Variants in GLRA3 observed in about 807,000 individuals in gnomAD.
GLRA3 encodes the protein glycine receptor subunit alpha-3.
Under a neutral mutation model 60.4 loss-of-function variants are expected in GLRA3, and 44 were observed. That is an observed-to-expected ratio of 0.73 (90% CI 0.57 to 0.94). The LOEUF is 0.94. Ranked by LOEUF, GLRA3 falls within the 40% of genes least tolerant of loss-of-function variation. The pLI, the probability that GLRA3 is intolerant of heterozygous loss-of-function variation, is 0.00. For synonymous variants in GLRA3, 223 were observed against 192.9 expected, an observed-to-expected ratio of 1.16 and a Z score of -1.29; for missense variants, 508 against 564.6, an observed-to-expected ratio of 0.90 and a Z score of 1.02.
chr4:174,771,700 A>AT (rs773931112), intron 2 of GLRA3, among the ~76,000 whole-genome samples: 2 of 152,178 alleles, frequency 1.3e-5, no homozygotes, highest in Non-Finnish European at 2.9e-5. Context: ...TGAAACGGAA[A>AT]TAAATAAAAG....
At chr4:174,660,809 G>A (rs991709692) in intron 7 of GLRA3, among the ~76,000 whole-genome samples, 137 of 152,220 alleles carry the variant, frequency 9.0e-4, no homozygotes, top group African/African-American at 3.3e-3. Context: ...TTATTTATAT[G>A]TGTATAAACT....
At chr4:174,648,593 A>G (rs1209381043) in intron 9 of GLRA3, among the ~76,000 whole-genome samples, 2 of 152,192 alleles carry the variant, frequency 1.3e-5, no homozygotes, top group Non-Finnish European at 2.9e-5. Context: ...GGGTGGCCAT[A>G]TGACAATGAG....
chr4:174,745,167 A>T (rs543306835), intron 3 of GLRA3, among the ~76,000 whole-genome samples: 1 of 152,204 alleles, frequency 6.6e-6, no homozygotes, highest in East Asian at 1.9e-4. Flanking sequence ...GCAACCAAAC[A>T]TACAAATTAT....
In GLRA3 at chr4:174,708,678, A is replaced by G. The variant is rs1386303262; in HGVS notation, c.574+6810T>C. ...GCAATACATTCCTCTTTAGATATGA[A>G]CTACAGAATTAGACCCTTTATGGAA... is the stretch of plus-strand genomic sequence containing the variant. On this transcript the variant is annotated intron_variant, in intron 5 of 9. Coordinates refer to ENST00000274093, the MANE Select transcript of GLRA3 (RefSeq NM_006529.4). Among the ~76,000 whole-genome samples the G allele has an allele frequency of 1.2e-4, 18 of 150,696 alleles. No individual in the cohort carries two copies. In the South Asian group the frequency reaches 3.1e-3, roughly 26 times the overall value.
chr4:174,674,299 C>A (rs1734027167), intron 7 of GLRA3, among the ~76,000 whole-genome samples: 1 of 152,082 alleles, frequency 6.6e-6, no homozygotes, highest in South Asian at 2.1e-4. Flanking sequence ...TAAGAAAGTG[C>A]TCCTAAAGTT....
At chr4:174,811,098 A>AACAC (rs367625302) in intron 1 of GLRA3, among the ~76,000 whole-genome samples, 10 of 149,266 alleles carry the variant, frequency 6.7e-5, no homozygotes, top group East Asian at 2.0e-4. Flanking sequence ...CCACACACAT[A>AACAC]ACACACACAC....
intron 5 of GLRA3, among the ~76,000 whole-genome samples, chr4:174,695,586 C>A (rs907079636): frequency 3.3e-5 from 5 of 151,974 alleles, no homozygotes; most frequent in Non-Finnish European, 5.9e-5. Context: ...AAGGAAAATA[C>A]CTCAAAGTAA....
chr4:174,800,082 A>G (rs966684288), intron 1 of GLRA3, among the ~76,000 whole-genome samples: 1 of 152,086 alleles, frequency 6.6e-6, no homozygotes, highest in Non-Finnish European at 1.5e-5. Flanking sequence ...TAAGAACTCA[A>G]TTATCTTAAC....
chr4:174,668,412 T>C (rs1291621595), intron 7 of GLRA3, among the ~76,000 whole-genome samples: 47 of 152,112 alleles, frequency 3.1e-4, no homozygotes, highest in Admixed American at 3.1e-3. Context: ...GTACATTGAG[T>C]GAGCTGTATT....
chr4:174,740,505 A>T (rs1736976726), intron 3 of GLRA3, among the ~76,000 whole-genome samples: 2 of 152,200 alleles, frequency 1.3e-5, no homozygotes, highest in African/African-American at 2.4e-5. Context: ...TTTTATATCA[A>T]TGACAAGAGG....
At chr4:174,803,209 T>G (rs1185123527) in intron 1 of GLRA3, among the ~76,000 whole-genome samples, 1 of 152,100 alleles carries the variant, frequency 6.6e-6, no homozygotes, top group Non-Finnish European at 1.5e-5. Context: ...TTCATGGTAA[T>G]TGTTATAACT....
At chr4:174,790,148 T>TG (rs1178260689) in intron 1 of GLRA3, among the ~76,000 whole-genome samples, 1 of 152,204 alleles carries the variant, frequency 6.6e-6, no homozygotes, top group Non-Finnish European at 1.5e-5. Flanking sequence ...TATTAGCTGT[T>TG]GCCCTGTTCT....
chr4:174,800,000 G>A (rs1363507664), intron 1 of GLRA3, among the ~76,000 whole-genome samples: 1 of 151,990 alleles, frequency 6.6e-6, no homozygotes, highest in Non-Finnish European at 1.5e-5. Flanking sequence ...AAAAAACTGA[G>A]AATTTCAACA....
At chr4:174,659,403 T>C (rs2110889788) in intron 7 of GLRA3, among the ~76,000 whole-genome samples, 1 of 152,294 alleles carries the variant, frequency 6.6e-6, no homozygotes, top group Admixed American at 6.5e-5. Flanking sequence ...TTTTTCAAAT[T>C]TAGGCAATAG....
In GLRA3 at chr4:174,828,965, T is replaced by C. The variant is rs1028623749; in HGVS notation, c.-154A>G. Reference sequence around the variant, plus strand: ...GCACCTTAGACAGCTCCCCGCAGTATGCGGACCCCTTCTCAGCATTGAGCA... The same window carrying C: ...GCACCTTAGACAGCTCCCCGCAGTACGCGGACCCCTTCTCAGCATTGAGCA... On this transcript the variant is annotated 5_prime_UTR_variant, in exon 1 of 10. Coordinates refer to ENST00000274093, the MANE Select transcript of GLRA3 (RefSeq NM_006529.4). 21 of 631,410 alleles carry C rather than the reference T, an allele frequency of 3.3e-5. No individual in the cohort carries two copies. The highest frequency in any genetic ancestry group is 3.7e-4 in the Middle Eastern group (1 of 2,734). The allele number at this position is 631,410 out of a possible 1,614,324, so 39.1% of individuals were successfully genotyped here.
At chr4:174,666,698 A>C (rs1216012389) in intron 7 of GLRA3, among the ~76,000 whole-genome samples, 1 of 148,690 alleles carries the variant, frequency 6.7e-6, no homozygotes, top group Middle Eastern at 3.3e-3. Context: ...CAAAATTATC[A>C]TTAGAAATAG....
intron 1 of GLRA3, among the ~76,000 whole-genome samples, chr4:174,790,952 C>G (rs575760991): frequency 1.4e-5 from 2 of 146,504 alleles, no homozygotes; most frequent in Non-Finnish European, 3.0e-5. Flanking sequence ...TGCAGTGAGC[C>G]GAGATCACGC....
chr4:174,652,503 C>T (rs1207565021), intron 9 of GLRA3, among the ~76,000 whole-genome samples: 5 of 151,960 alleles, frequency 3.3e-5, no homozygotes, highest in South Asian at 2.1e-4. Flanking sequence ...TGGTAGGCAA[C>T]GAAGAATGGA....
At chr4:174,737,224 G>A (rs1289171411) in intron 3 of GLRA3, among the ~76,000 whole-genome samples, 4 of 152,156 alleles carry the variant, frequency 2.6e-5, no homozygotes, top group African/African-American at 9.6e-5. Context: ...TACCTCAAGT[G>A]TTTCCAGTTT....
Sources: allele counts gnomAD v4.1 joint callset (sites outside exome capture counted in the v4.1 genomes callset), GRCh38; gene constraint gnomAD v4.1.1; transcripts MANE v1.5; gene names NCBI Gene and HGNC (gene_info 2026-07-23, HGNC 2026-07-21).